The following NPIPA9 variants were observed in gnomAD, a reference collection of about 807,000 sequenced individuals.
NPIPA9 encodes nuclear pore complex interacting protein family member A9.
In NPIPA9 at chr16:18,375,183, C is replaced by T. The variant is rs28529882; in HGVS notation, c.-307-114G>A. ...AGCCCGGTGCCATCTGACAGAATGT[C>T]CTAGAATGCTAGATATATGGGACAT... On this transcript the variant is annotated intron_variant, in intron 1 of 9. Transcript: ENST00000427999. 2.8e-4 allele frequency: 148 copies of T among 528,614 alleles called. 19 individuals are homozygous for T. The African/African-American group carries it at 4.0e-3, about 14-fold the overall frequency. 32.7% of individuals were successfully genotyped at this position (528,614 alleles called of 1,614,324 possible).
At chr16:18,374,608 C>T (rs534641367) in intron 2 of NPIPA9, 1 of 608,290 alleles carries the variant, frequency 1.6e-6, no homozygotes, top group Non-Finnish European at 2.5e-6. Flanking sequence ...GCACACCAGA[C>T]TGCAGGTGGC....
In NPIPA9 at chr16:18,375,139, T is replaced by A. The variant is rs1274882775; in HGVS notation, c.-307-70A>T. On this transcript the variant is annotated intron_variant, in intron 1 of 9. Coordinates refer to ENST00000427999, the Ensembl canonical transcript of NPIPA9. ...CTCAGGACAGGGATGAGAAGCCACC[T>A]CCTCAGCAGACAGGACAGAGCCCGG... 1.4e-5 allele frequency: 8 copies of A among 575,676 alleles called. 1 individual carries two copies. The highest frequency in any genetic ancestry group is 2.4e-5 in the Non-Finnish European group (8 of 331,872). The allele number at this position is 575,676 out of a possible 1,614,324, so 35.7% of individuals were successfully genotyped here.
At chr16:18,375,633 G>GCAGC (rs1283089411) in intron 1 of NPIPA9, among the ~76,000 whole-genome samples, 4 of 128,550 alleles carry the variant, frequency 3.1e-5, no homozygotes, top group African/African-American at 1.2e-4. Flanking sequence ...TTAAATACGA[G>GCAGC]CAGCCACATG....
chr16:18,363,534 G>A (rs1233732330), intron 6 of NPIPA9, among the ~76,000 whole-genome samples: 9 of 98,186 alleles, frequency 9.2e-5, no homozygotes, highest in Admixed American at 3.8e-4. Flanking sequence ...GAATGTGGTG[G>A]CACACACCTG....
chr16:18,365,009 T>C, intron 4 of NPIPA9, among the ~76,000 whole-genome samples: 1 of 131,274 alleles, frequency 7.6e-6, no homozygotes, highest in Non-Finnish European at 1.6e-5. Context: ...GCATGGTGGC[T>C]CACTCCTGTA....
intron 1 of NPIPA9, among the ~76,000 whole-genome samples, chr16:18,375,407 CG>C (rs1900595006): frequency 7.2e-6 from 1 of 138,304 alleles, no homozygotes; most frequent in Non-Finnish European, 1.5e-5. Context: ...GGCGATTGTC[CG>C]TCCTGGCTCA....
chr16:18,365,118 T>C (rs1340890617), intron 4 of NPIPA9, among the ~76,000 whole-genome samples: 1 of 78,972 alleles, frequency 1.3e-5, no homozygotes, highest in Non-Finnish European at 2.3e-5. Flanking sequence ...CTGCTAAAAA[T>C]ACAAAATTAG....
exon 5 of NPIPA9, chr16:18,364,572 C>CGTGGATCCG: frequency 1.0e-5 from 1 of 96,574 alleles, no homozygotes; most frequent in Non-Finnish European, 1.9e-5. Context: ...TGGCTCTCTG[C>CGTGGATCCG]TGTACATCCG....
chr16:18,371,014 G>A (rs1461059594), intron 3 of NPIPA9, among the ~76,000 whole-genome samples: 1 of 22,774 alleles, frequency 4.4e-5, no homozygotes, highest in African/African-American at 2.2e-4. Flanking sequence ...GGAAGCAGAG[G>A]TTGCGGTGAG....
chr16:18,371,445 C>G (rs1282163383), intron 3 of NPIPA9: 1 of 182,506 alleles, frequency 5.5e-6, no homozygotes, highest in Non-Finnish European at 9.8e-6. Flanking sequence ...GAATGAGACT[C>G]TGTCTTAAAA....
intron 4 of NPIPA9, among the ~76,000 whole-genome samples, chr16:18,364,890 G>A (rs1333844769): frequency 1.0e-4 from 13 of 125,150 alleles, no homozygotes; most frequent in Middle Eastern, 3.9e-3. Context: ...GCAGTGAGCC[G>A]AGATCACACC....
intron 3 of NPIPA9, chr16:18,371,239 G>A (rs1900541156): frequency 9.3e-6 from 1 of 107,024 alleles, no homozygotes; most frequent in Non-Finnish European, 1.9e-5. Flanking sequence ...GGCCGAGGCA[G>A]GCAGATCACG....
chr16:18,365,001 A>T (rs1374915745), intron 4 of NPIPA9, among the ~76,000 whole-genome samples: 1 of 134,602 alleles, frequency 7.4e-6, no homozygotes, highest in Non-Finnish European at 1.6e-5. Context: ...TGAGGCTGGC[A>T]TGGTGGCTCA....
intron 4 of NPIPA9, among the ~76,000 whole-genome samples, chr16:18,364,977 A>G (rs1337816384): frequency 7.2e-6 from 1 of 139,348 alleles, no homozygotes; most frequent in Non-Finnish European, 1.5e-5. Flanking sequence ...ACAACACAAC[A>G]CACAAGAATG....
chr16:18,371,477 A>AAG (rs1214808508), intron 3 of NPIPA9, among the ~76,000 whole-genome samples: 4 of 123,706 alleles, frequency 3.2e-5, no homozygotes, highest in African/African-American at 8.9e-5. Context: ...AAAAAAAAAA[A>AAG]GTCATCAAAC....
intron 3 of NPIPA9, among the ~76,000 whole-genome samples, chr16:18,370,287 C>G (rs1483687463): frequency 1.6e-5 from 2 of 123,092 alleles, no homozygotes; most frequent in Non-Finnish European, 3.4e-5. Context: ...GAGACTCTGT[C>G]TCAAAAAAAA....
At chr16:18,374,438 CAAAAAAAAAAAA>C (rs879011780) in intron 2 of NPIPA9, 1 of 167,528 alleles carries the variant, frequency 6.0e-6, no homozygotes, top group Non-Finnish European at 9.9e-6. Context: ...GACTCTGTCT[CAAAAAAAAAAAA>C]AAAAAAAAGA....
exon 3 of NPIPA9, chr16:18,372,812 T>G (rs1169911255): frequency 3.1e-3 from 6 of 1,964 alleles, no homozygotes; most frequent in African/African-American, 0.1. Flanking sequence ...GTCCCGATAG[T>G]AAACCATCTC....
chr16:18,370,032 C>T (rs1900520085), intron 3 of NPIPA9, among the ~76,000 whole-genome samples: 1 of 139,220 alleles, frequency 7.2e-6, no homozygotes, highest in African/African-American at 2.7e-5. Context: ...TGGCTCACGC[C>T]TGCAATCCCA....
Sources: allele counts gnomAD v4.1 joint callset (sites outside exome capture counted in the v4.1 genomes callset), GRCh38; gene constraint gnomAD v4.1.1; transcripts MANE v1.5; gene names NCBI Gene and HGNC (gene_info 2026-07-23, HGNC 2026-07-21).